Variants in CLSTN2 observed in about 807,000 individuals in gnomAD.
The protein encoded by CLSTN2 is calsyntenin-2.
CLSTN2 carries 48 observed loss-of-function variants against 101.2 expected under a neutral mutation model. The ratio of observed to expected loss-of-function variants is 0.47; its 90% confidence interval spans 0.38 to 0.60. The LOEUF (loss-of-function observed/expected upper bound fraction) is 0.60, where lower values mean the gene tolerates loss of function less well. Among genes scored for constraint, CLSTN2 ranks in the 20% least tolerant of loss-of-function variants. CLSTN2 has a pLI of 0.00. For missense variants in CLSTN2, 1,160 were observed against 1,238.2 expected, an observed-to-expected ratio of 0.94 and a Z score of 0.95; for synonymous variants, 481 against 463.6, an observed-to-expected ratio of 1.04 and a Z score of -0.48.
chr3:139,949,317 G>A (rs1180079436), intron 1 of CLSTN2, among the ~76,000 whole-genome samples: 1 of 152,186 alleles, frequency 6.6e-6, no homozygotes, highest in Non-Finnish European at 1.5e-5. Context: ...CCAGCTCTTT[G>A]CCTTGTGGGG....
At chr3:140,067,167 A>C (rs1216559887) in intron 1 of CLSTN2, among the ~76,000 whole-genome samples, 1 of 152,176 alleles carries the variant, frequency 6.6e-6, no homozygotes, top group East Asian at 1.9e-4. Context: ...CTAGACTGGC[A>C]ACCCTGGGAC....
At chr3:140,398,012 G>C (rs1328191551) in intron 2 of CLSTN2, among the ~76,000 whole-genome samples, 1 of 152,130 alleles carries the variant, frequency 6.6e-6, no homozygotes. Flanking sequence ...GAAAGCTTCA[G>C]TTTTATCATT....
intron 2 of CLSTN2, among the ~76,000 whole-genome samples, chr3:140,345,940 A>G (rs1044838446): frequency 2.0e-5 from 3 of 152,184 alleles, no homozygotes; most frequent in Non-Finnish European, 2.9e-5. Flanking sequence ...TGCTGGTTCA[A>G]TATGGTACAC....
At chr3:139,966,481 T>A (rs1454036684) in intron 1 of CLSTN2, among the ~76,000 whole-genome samples, 1 of 152,138 alleles carries the variant, frequency 6.6e-6, no homozygotes, top group Admixed American at 6.5e-5. Flanking sequence ...GGGATAGTTG[T>A]TTGTTTCCTC....
At chr3:140,010,279 C>G (rs2007046106) in intron 1 of CLSTN2, among the ~76,000 whole-genome samples, 1 of 152,068 alleles carries the variant, frequency 6.6e-6, no homozygotes, top group Non-Finnish European at 1.5e-5. Flanking sequence ...TGGTTTTATT[C>G]TTTGTGTTGG....
At chr3:140,213,832 C>T (rs748901707) in intron 2 of CLSTN2, among the ~76,000 whole-genome samples, 2 of 152,078 alleles carry the variant, frequency 1.3e-5, no homozygotes, top group African/African-American at 2.4e-5. Context: ...TCCAGCCCTG[C>T]TCTGTATCAG....
At chr3:140,253,695 A>G (rs1258758580) in intron 2 of CLSTN2, among the ~76,000 whole-genome samples, 1 of 152,134 alleles carries the variant, frequency 6.6e-6, no homozygotes, top group Non-Finnish European at 1.5e-5. Flanking sequence ...ACCTGGGCCT[A>G]ATTCTGTTAA....
At chr3:140,558,951 T>C in intron 12 of CLSTN2, 94 bp downstream of exon 12, 2 of 956,870 alleles carry the variant, frequency 2.1e-6, no homozygotes, top group South Asian at 1.6e-5. Flanking sequence ...GTTCATGTAA[T>C]GTATACATGG....
intron 1 of CLSTN2, among the ~76,000 whole-genome samples, chr3:140,138,283 G>T (rs760418781): frequency 1.3e-5 from 2 of 152,216 alleles, no homozygotes; most frequent in Non-Finnish European, 2.9e-5. Context: ...GCTTAAAAAG[G>T]GGGGGAAGAA....
At chr3:139,948,043 AGAG>A (rs1338675622) in intron 1 of CLSTN2, among the ~76,000 whole-genome samples, 5 of 152,250 alleles carry the variant, frequency 3.3e-5, no homozygotes, top group African/African-American at 9.6e-5. Flanking sequence ...CAGCAACAGA[AGAG>A]GAGAACAAAC....
At chr3:140,016,793 G>A (rs867580125) in intron 1 of CLSTN2, among the ~76,000 whole-genome samples, 155 of 89,214 alleles carry the variant, frequency 1.7e-3, no homozygotes, top group African/African-American at 2.7e-3. Context: ...GTGAGACTCT[G>A]AAAAAAAAAA....
chr3:139,980,218 C>A (rs1371051376), intron 1 of CLSTN2, among the ~76,000 whole-genome samples: 1 of 151,922 alleles, frequency 6.6e-6, no homozygotes, highest in Non-Finnish European at 1.5e-5. Context: ...ATGAACTGGC[C>A]ACCTCCCCAG....
intron 2 of CLSTN2, among the ~76,000 whole-genome samples, chr3:140,183,314 A>T (rs1576458817): frequency 6.6e-6 from 1 of 152,242 alleles, no homozygotes; most frequent in African/African-American, 2.4e-5. Context: ...GAAAGGAAGG[A>T]TTTCCTGGGA....
Position 140,097,496 on chromosome 3 carries a change from A to G in CLSTN2, c.110-78455A>G, listed in dbSNP as rs190182631. 1.1e-3 allele frequency among the ~76,000 whole-genome samples: 163 copies of G among 152,338 alleles called. 1 individual carries two copies. Among genetic ancestry groups the G allele is most frequent in the Admixed American group, 3.2e-3 (49 of 15,300 alleles). ...CTAACTATGTGCCCTTGAAGAGCTT[A>G]CAATCAAGTTGAGGAGATAAGACAT... On this transcript the variant is annotated intron_variant, in intron 1 of 16. Coordinates refer to ENST00000458420, the MANE Select transcript of CLSTN2 (RefSeq NM_022131.3).
At chr3:139,936,449 A>G (rs528850113) in intron 1 of CLSTN2, among the ~76,000 whole-genome samples, 2 of 152,316 alleles carry the variant, frequency 1.3e-5, no homozygotes, top group Non-Finnish European at 2.9e-5. Context: ...TGCGCTGTTC[A>G]TAAGTAGGGC....
intron 8 of CLSTN2, among the ~76,000 whole-genome samples, chr3:140,525,218 G>A (rs1289857243): frequency 6.6e-6 from 1 of 152,070 alleles, no homozygotes; most frequent in African/African-American, 2.4e-5. Flanking sequence ...AACAAATACA[G>A]AGAGAAGATC....
At chr3:140,395,313 G>T (rs1162251230) in intron 2 of CLSTN2, among the ~76,000 whole-genome samples, 1 of 152,150 alleles carries the variant, frequency 6.6e-6, no homozygotes. Flanking sequence ...GCTGCTTGCA[G>T]GCCAGAAGGC....
intron 2 of CLSTN2, among the ~76,000 whole-genome samples, chr3:140,213,433 C>T (rs2010882530): frequency 6.6e-6 from 1 of 152,218 alleles, no homozygotes; most frequent in Admixed American, 6.5e-5. Flanking sequence ...ATCCTTCCAC[C>T]TGCCTATTGC....
In CLSTN2 at chr3:140,251,579, C is replaced by CTTCCT. The variant is rs1559819480; in HGVS notation, c.232+75510_232+75511insTTTCC. Among the ~76,000 whole-genome samples the CTTCCT allele has an allele frequency of 2.3e-4, 12 of 53,020 alleles. 2 individuals carry two copies. Among genetic ancestry groups the CTTCCT allele is most frequent in the African/African-American group, 3.1e-4 (4 of 13,040 alleles). The allele number at this position is 53,020 out of a possible 152,430, so 34.8% of individuals were successfully genotyped here. A position where few individuals can be genotyped will look rare whatever the true frequency, so the allele number is the denominator to read the frequency against. On this transcript the variant is annotated intron_variant, in intron 2 of 16. Transcript: ENST00000458420. ...GAAAGTCAATAACGGCAACTCTTAG[C>CTTCCT]TTCCGTTCCTTTCCTTTCCTTTCCT...
Sources: gnomAD v4.1 joint callset for allele counts (sites outside exome capture counted in the v4.1 genomes callset) on GRCh38, gnomAD v4.1.1 for gene constraint, MANE v1.5 for transcripts, NCBI Gene and HGNC (gene_info 2026-07-23, HGNC 2026-07-21) for gene names.